INTS2: variants seen among roughly 807,000 people sequenced by gnomAD.
The protein encoded by INTS2 is KIAA1287.
A neutral mutation model predicts 139.6 loss-of-function variants in INTS2; 57 were observed. The observed-to-expected ratio is 0.41, with a 90% CI of 0.33 to 0.51. INTS2 has a LOEUF of 0.51. INTS2 is among the 20% of genes least tolerant of loss of function. The probability of loss-of-function intolerance (pLI) is 0.28; values close to 1 mark genes in which losing one functional copy is unlikely to be tolerated. For synonymous variants in INTS2, 473 were observed against 493.4 expected, an observed-to-expected ratio of 0.96 and a Z score of 0.55; for missense variants, 1,196 against 1,436.7, an observed-to-expected ratio of 0.83 and a Z score of 2.71.
intron 5 of INTS2, among the ~76,000 whole-genome samples, chr17:61,916,571 T>C (rs778325492): frequency 3.9e-5 from 6 of 152,142 alleles, no homozygotes; most frequent in Non-Finnish European, 7.4e-5. Context: ...ATTTAACAAA[T>C]GGTGTTGGGA....
chr17:61,890,565 G>A (rs1015785952), intron 14 of INTS2, among the ~76,000 whole-genome samples: 1 of 149,356 alleles, frequency 6.7e-6, no homozygotes, highest in South Asian at 2.1e-4. Context: ...AGCTGAGATC[G>A]TGTCACTGCA....
At chr17:61,895,538 A>C (rs1034200751) in intron 11 of INTS2, among the ~76,000 whole-genome samples, 155 bp from the exon 12 acceptor site, 82 of 152,200 alleles carry the variant, frequency 5.4e-4, no homozygotes, top group Non-Finnish European at 2.9e-4. Flanking sequence ...CCCAACATTA[A>C]AGTGTTAATA....
In INTS2 at chr17:61,912,056, T is replaced by C; in HGVS notation, c.664A>G (p.Ile222Val). Residue 222 changes from isoleucine to valine, a missense_variant, in exon 6 of 25, where the codon ATA (isoleucine) becomes GTA (valine). Ile to Val is a conservative substitution (Grantham distance 29). Coordinates refer to ENST00000251334, the MANE Select transcript of INTS2 (RefSeq NM_001351695.2). ...DSFNEVCRGLIKNGERQDEES... is the reference protein window; with the variant it reads ...DSFNEVCRGLVKNGERQDEES... ...TCATCTTGTCGTTCTCCATTTTTTA[T>C]CAGGCCCCTACAAACTAACATGATA... The C allele has an allele frequency of 6.2e-7, 1 of 1,613,726 alleles. No individual in the cohort carries two copies. Among genetic ancestry groups the C allele is most frequent in the Non-Finnish European group, 8.5e-7 (1 of 1,179,766 alleles).
intron 5 of INTS2, among the ~76,000 whole-genome samples, chr17:61,917,863 GA>G (rs1429285563): frequency 1.3e-5 from 2 of 152,074 alleles, no homozygotes; most frequent in Non-Finnish European, 2.9e-5. Context: ...TAGAAAGGGG[GA>G]TATAACTATA....
At position 61,869,026 on chromosome 17, in the gene INTS2, C is replaced by T. The variant is rs758218307; in HGVS notation, c.3244+8G>A. The T allele has an allele frequency of 5.2e-5, 79 of 1,509,876 alleles. No individual in the cohort carries two copies. The highest frequency in any genetic ancestry group is 7.1e-5 in the Non-Finnish European group (77 of 1,088,086). The allele number at this position is 1,509,876 out of a possible 1,614,324, so 93.5% of individuals were successfully genotyped here. A position where few individuals can be genotyped will look rare whatever the true frequency, so the allele number is the denominator to read the frequency against. ...TCAGATGTTTGTTGATGTTGATTGG[C>T]TACATACCTGTTAACAAAGTTCCCA... On this transcript the variant is annotated splice_region_variant and intron_variant, in intron 23 of 24. Coordinates refer to ENST00000251334, the MANE Select transcript of INTS2 (RefSeq NM_001351695.2). This position sits in a 1 kb window ranked among gnomAD's most constrained non-coding sequence, Gnocchi z 5.4.
At position 61,911,921 on chromosome 17, in the gene INTS2, A is replaced by G. The variant is rs753686580; in HGVS notation, c.780+19T>C. ...CCTAATATAAAGGCCTTTGTCTAAT[A>G]AAACACAGGATCACTTACCACCATG... On this transcript the variant is annotated intron_variant, in intron 6 of 24. Coordinates refer to ENST00000251334, the MANE Select transcript of INTS2 (RefSeq NM_001351695.2). 79 of 1,605,160 alleles carry G rather than the reference A, an allele frequency of 4.9e-5. 2 individuals are homozygous for G. In the South Asian group the frequency reaches 7.4e-4, roughly 15 times the overall value.
chr17:61,912,500 G>A (rs1442328864), intron 5 of INTS2, among the ~76,000 whole-genome samples: 1 of 151,752 alleles, frequency 6.6e-6, no homozygotes, highest in East Asian at 1.9e-4. Flanking sequence ...GCAGGCACCT[G>A]TAATCCGAGC....
In INTS2 at chr17:61,874,997, T is replaced by A. The variant is rs959147056; in HGVS notation, c.2498A>T (p.Lys833Met). 5 of 1,598,146 alleles carry A rather than the reference T, an allele frequency of 3.1e-6. No homozygotes were observed. Among genetic ancestry groups the A allele is most frequent in the Non-Finnish European group, 3.4e-6 (4 of 1,171,260 alleles). ...MTVNALQPSI[K>M]FVRQQKYTQN... The stretch of plus-strand genomic sequence containing the variant: ...AGTATACTTTTGTTGTCGTACAAAC[T>A]TTATTGAAGGCTGAAGTGCATTAAC... Residue 833 changes from lysine to methionine, a missense_variant, in exon 19 of 25, where the codon AAG (lysine) becomes ATG (methionine). Transcript: ENST00000251334.
chr17:61,912,772 A>G (rs2079540764), intron 5 of INTS2, among the ~76,000 whole-genome samples: 1 of 152,118 alleles, frequency 6.6e-6, no homozygotes, highest in East Asian at 1.9e-4. Context: ...CCAGTAATAA[A>G]AAGAAAATCT....
In INTS2 at chr17:61,891,155, C is replaced by T. The variant is rs201458747; in HGVS notation, c.1875+358G>A. Among the ~76,000 whole-genome samples, 20 of 151,912 alleles carry T rather than the reference C, an allele frequency of 1.3e-4. No homozygotes were observed. In the East Asian group the frequency reaches 3.5e-3, roughly 26 times the overall value. ...CTAAAAATACAAAACATTAGCCAGG[C>T]GTTGTGGCAGGCGCCTGCAATCCTA... On this transcript the variant is annotated intron_variant, in intron 14 of 24. Coordinates refer to ENST00000251334, the MANE Select transcript of INTS2 (RefSeq NM_001351695.2).
chr17:61,898,076 A>T (rs866125254), intron 9 of INTS2, among the ~76,000 whole-genome samples: 5 of 152,198 alleles, frequency 3.3e-5, no homozygotes, highest in African/African-American at 1.2e-4. Flanking sequence ...ACAACAGCTG[A>T]TATTTATTTC....
rs2079041936 is a variant in INTS2 at position 61,865,955 on chromosome 17, T to C, written c.*1602A>G. 1 of 152,614 alleles carries C rather than the reference T, an allele frequency of 6.6e-6. No individual in the cohort carries two copies. The highest frequency in any genetic ancestry group is 2.4e-5 in the African/African-American group (1 of 41,462). The allele number at this position is 152,614 out of a possible 1,614,324, so 9.5% of individuals were successfully genotyped here. A position where few individuals can be genotyped will look rare whatever the true frequency, so the allele number is the denominator to read the frequency against. On this transcript the variant is annotated 3_prime_UTR_variant, in exon 25 of 25. Transcript: ENST00000251334. This position sits in a 1 kb window ranked among gnomAD's most constrained non-coding sequence, Gnocchi z 4.8. The stretch of plus-strand genomic sequence containing the variant: ...ATAGAATATGAGGTAGGGCCAGTAG[T>C]AACCCCATTTTACAAAGGAAGAAAA...
chr17:61,924,734 C>G (rs2079690832), intron 3 of INTS2, among the ~76,000 whole-genome samples: 1 of 152,064 alleles, frequency 6.6e-6, no homozygotes, highest in African/African-American at 2.4e-5. Context: ...GAAGCTGAGG[C>G]AGGAGAACCG....
At chr17:61,916,844 C>A (rs779735263) in intron 5 of INTS2, among the ~76,000 whole-genome samples, 38 of 152,042 alleles carry the variant, frequency 2.5e-4, no homozygotes, top group Non-Finnish European at 4.7e-4. Context: ...AAGAAACTAT[C>A]AACAGAGCAA....
chr17:61,869,116 A>C lies in INTS2; in HGVS notation c.3162T>G (p.Ser1054=), dbSNP rs778498054. Residue 1054 remains serine, a synonymous_variant, in exon 23 of 25, where the codon TCT becomes TCG. Coordinates refer to ENST00000251334, the MANE Select transcript of INTS2 (RefSeq NM_001351695.2). This position sits in a 1 kb window ranked among gnomAD's most constrained non-coding sequence, Gnocchi z 5.4. ...GTAATGCATATTGTATACACAAGTG[A>C]GAAAGCAACTGGATAGCAAATATCT... ...EKQIFAIQLL[S]HLCIQYALPK... The C allele has an allele frequency of 2.5e-6, 4 of 1,610,524 alleles. No individual in the cohort carries two copies. Among genetic ancestry groups the C allele is most frequent in the Non-Finnish European group, 3.4e-6 (4 of 1,177,146 alleles).
chr17:61,917,363 G>A (rs1345894943), intron 5 of INTS2, among the ~76,000 whole-genome samples: 1 of 152,106 alleles, frequency 6.6e-6, no homozygotes, highest in African/African-American at 2.4e-5. Flanking sequence ...ATTCACAATA[G>A]CAAAGACATG....
intron 5 of INTS2, among the ~76,000 whole-genome samples, chr17:61,914,573 G>A (rs143037046): frequency 0.016 from 2,488 of 151,980 alleles, 59 homozygotes; most frequent in African/African-American, 0.057. Flanking sequence ...GGTGGTGGCG[G>A]GCGCCTGTAG....
At chr17:61,879,200 G>C (rs146317840) in intron 17 of INTS2, among the ~76,000 whole-genome samples, 5,023 of 150,482 alleles carry the variant, frequency 0.033, 363 homozygotes, top group Admixed American at 0.18. Context: ...GATAACAGGC[G>C]TGAGTCACTG....
chr17:61,908,233 G>T (rs1204117760), intron 7 of INTS2, among the ~76,000 whole-genome samples: 1 of 152,240 alleles, frequency 6.6e-6, no homozygotes, highest in Non-Finnish European at 1.5e-5. Context: ...TGGCCAACAT[G>T]GTGAAACCCC....
Sources: gnomAD v4.1 joint callset for allele counts (sites outside exome capture counted in the v4.1 genomes callset) on GRCh38, gnomAD v4.1.1 for gene constraint, Gnocchi (gnomAD v3.1) non-coding constraint, MANE v1.5 for transcripts, NCBI Gene and HGNC (gene_info 2026-07-23, HGNC 2026-07-21) for gene names.